ULK4: variants seen among roughly 807,000 people sequenced by gnomAD.
The protein encoded by ULK4 is inactive serine/threonine-protein kinase ULK4.
A neutral mutation model predicts 160.6 loss-of-function variants in ULK4; 133 were observed. The observed-to-expected ratio is 0.83, with a 90% confidence interval of 0.72 to 0.96. ULK4 has a LOEUF of 0.96. Ranked by LOEUF, ULK4 falls within the 40% of genes least tolerant of loss-of-function variation. The probability of loss-of-function intolerance (pLI) is 0.00; values close to 1 mark genes in which losing one functional copy is unlikely to be tolerated. For missense variants in ULK4, 1,580 were observed against 1,499.5 expected (o/e 1.05, Z -0.89); for synonymous variants, 534 against 539.8 (o/e 0.99, Z 0.15).
At position 41,873,850 on chromosome 3, in the gene ULK4, G is replaced by A. The variant is rs185387259; in HGVS notation, c.1656+10024C>T. Among the ~76,000 whole-genome samples the A allele has an allele frequency of 3.2e-3, 475 of 150,628 alleles. 2 individuals carry two copies. The highest frequency in any genetic ancestry group is 0.01 in the Middle Eastern group (3 of 288). On this transcript the variant is annotated intron_variant, in intron 17 of 36. Transcript: ENST00000301831. ...ATTACAGGCATGAGCCACCGCACCC[G>A]CCCTCTAGGTTTGTTTTTGTGGTTT...
intron 34 of ULK4, among the ~76,000 whole-genome samples, chr3:41,406,513 A>T (rs370137849): frequency 6.6e-6 from 1 of 152,192 alleles, no homozygotes; most frequent in Non-Finnish European, 1.5e-5. Flanking sequence ...AAATGTCGGT[A>T]GCTTGATAGG....
chr3:41,839,837 C>A (rs1202631903), intron 17 of ULK4, among the ~76,000 whole-genome samples: 1 of 151,936 alleles, frequency 6.6e-6, no homozygotes. Flanking sequence ...ACAATCCCCC[C>A]CAAAAAAACA....
chr3:41,454,186 A>G (rs1257916165), intron 34 of ULK4, among the ~76,000 whole-genome samples: 1 of 150,642 alleles, frequency 6.6e-6, no homozygotes, highest in East Asian at 1.9e-4. Context: ...TTAAAAAAAA[A>G]AAAAGAAAAA....
chr3:41,928,228 A>T (rs892967745), intron 5 of ULK4, among the ~76,000 whole-genome samples: 1 of 152,196 alleles, frequency 6.6e-6, no homozygotes, highest in Non-Finnish European at 1.5e-5. Flanking sequence ...ATGGAAACTG[A>T]ACAACCTGCT....
At chr3:41,725,433 C>T (rs1411830361) in intron 22 of ULK4, among the ~76,000 whole-genome samples, 1 of 152,192 alleles carries the variant, frequency 6.6e-6, no homozygotes, top group Non-Finnish European at 1.5e-5. Context: ...TTTTGTCTCT[C>T]TACACTGATC....
intron 22 of ULK4, among the ~76,000 whole-genome samples, chr3:41,726,398 G>C (rs1291802369): frequency 6.6e-6 from 1 of 152,138 alleles, no homozygotes; most frequent in Non-Finnish European, 1.5e-5. Context: ...ACTGACAAGA[G>C]AACATTATTT....
At chr3:41,828,779 G>T (rs1203102662) in intron 18 of ULK4, among the ~76,000 whole-genome samples, 1 of 152,000 alleles carries the variant, frequency 6.6e-6, no homozygotes, top group East Asian at 1.9e-4. Context: ...TTTCTTTACA[G>T]AATTAGAAAA....
rs1205403821 is a variant in ULK4, at chr3:41,948,366, G to A, written c.138+6256C>T. 2.0e-5 allele frequency among the ~76,000 whole-genome samples: 3 copies of A among 152,106 alleles called. 1 individual carries two copies. The South Asian group carries it at 6.2e-4, about 32-fold the overall frequency. On this transcript the variant is annotated intron_variant, in intron 2 of 36. Transcript: ENST00000301831. ...CTCAGGAGGCTGGGGCAGGAGAATC[G>A]CTTGAACAGGGGAGGCAGAGGTTGC...
chr3:41,798,681 G>A (rs182896947), intron 20 of ULK4, among the ~76,000 whole-genome samples: 1 of 152,152 alleles, frequency 6.6e-6, no homozygotes, highest in Admixed American at 6.5e-5. Context: ...CAACAGTTAT[G>A]TGGCAATAAC....
At chr3:41,922,138 G>A (rs943998444) in intron 5 of ULK4, among the ~76,000 whole-genome samples, 1 of 152,086 alleles carries the variant, frequency 6.6e-6, no homozygotes, top group African/African-American at 2.4e-5. Context: ...AGGCAACAGA[G>A]CAAGACTCCA....
chr3:41,649,057 T>C (rs2034628822), intron 30 of ULK4, among the ~76,000 whole-genome samples: 1 of 151,212 alleles, frequency 6.6e-6, no homozygotes, highest in Non-Finnish European at 1.5e-5. Flanking sequence ...GAGCCCAGGA[T>C]GCAGAGTTTA....
At chr3:41,574,740 G>A (rs2088129269) in intron 31 of ULK4, among the ~76,000 whole-genome samples, 1 of 151,896 alleles carries the variant, frequency 6.6e-6, no homozygotes, top group South Asian at 2.1e-4. Flanking sequence ...TAGAGATGGG[G>A]TTTCACCGTG....
intron 17 of ULK4, among the ~76,000 whole-genome samples, chr3:41,851,949 C>T (rs892919282): frequency 1.3e-5 from 2 of 152,012 alleles, no homozygotes; most frequent in East Asian, 1.9e-4. Context: ...AAAAAATCAA[C>T]GAATCCAGGA....
intron 35 of ULK4, among the ~76,000 whole-genome samples, chr3:41,363,928 C>CTTTTTT (rs201380727): frequency 7.2e-4 from 98 of 135,288 alleles, no homozygotes; most frequent in African/African-American, 2.6e-3. Flanking sequence ...TCCAAATTCT[C>CTTTTTT]TCTCTTTTTT....
At chr3:41,710,792 C>T (rs1426648132) in intron 25 of ULK4, among the ~76,000 whole-genome samples, 1 of 103,664 alleles carries the variant, frequency 9.6e-6, no homozygotes, top group Admixed American at 1.1e-4. Context: ...ACTCTTGTCT[C>T]AAAAAAAAAA....
intron 32 of ULK4, among the ~76,000 whole-genome samples, chr3:41,492,079 G>A (rs1046070494): frequency 4.0e-5 from 6 of 151,554 alleles, no homozygotes; most frequent in Non-Finnish European, 8.8e-5. Context: ...TTTTATGGCT[G>A]CATAGTATTC....
chr3:41,934,131 T>C (rs928284850), intron 4 of ULK4, among the ~76,000 whole-genome samples: 1 of 152,220 alleles, frequency 6.6e-6, no homozygotes, highest in Admixed American at 6.5e-5. Flanking sequence ...TTTCTAGACA[T>C]GTAACAATGA....
chr3:41,771,705 C>T (rs1043388559), intron 21 of ULK4, among the ~76,000 whole-genome samples: 7 of 152,026 alleles, frequency 4.6e-5, no homozygotes, highest in African/African-American at 1.7e-4. Context: ...AAAGAAAAAA[C>T]GACTGAAACT....
intron 32 of ULK4, among the ~76,000 whole-genome samples, chr3:41,531,061 C>T (rs2086292049): frequency 6.6e-6 from 1 of 150,738 alleles, no homozygotes; most frequent in Non-Finnish European, 1.5e-5. Context: ...CGCGCCCGGC[C>T]CAAAATGAAT....
Sources: allele counts gnomAD v4.1 joint callset (sites outside exome capture counted in the v4.1 genomes callset), GRCh38; gene constraint gnomAD v4.1.1; transcripts MANE v1.5; gene names NCBI Gene and HGNC (gene_info 2026-07-23, HGNC 2026-07-21).